The following DGKG variants were observed in gnomAD, a reference collection of about 807,000 sequenced individuals.
DGKG encodes the protein DAG kinase gamma.
Under a neutral mutation model 105.3 loss-of-function variants are expected in DGKG, and 78 were observed. That is an observed-to-expected ratio of 0.74 (90% CI 0.62 to 0.89). DGKG has a LOEUF of 0.89. Among genes scored for constraint, DGKG ranks in the 40% least tolerant of loss-of-function variants. The probability of loss-of-function intolerance (pLI) is 0.00; values close to 1 mark genes in which losing one functional copy is unlikely to be tolerated. For missense variants in DGKG, 958 were observed against 1,020.1 expected (o/e 0.94, Z 0.83); for synonymous variants, 346 against 367.1 (o/e 0.94, Z 0.66).
At chr3:186,301,477 A>C (rs1723917283) in intron 3 of DGKG, among the ~76,000 whole-genome samples, 1 of 152,034 alleles carries the variant, frequency 6.6e-6, no homozygotes, top group Admixed American at 6.5e-5. Flanking sequence ...AATACAAACC[A>C]TTAGCTGGGC....
chr3:186,267,593 G>T, intron 13 of DGKG, 92 bp downstream of exon 13: 1 of 937,782 alleles, frequency 1.1e-6, no homozygotes, highest in Non-Finnish European at 1.7e-6. Flanking sequence ...TGTCAGGGAA[G>T]CCCTGGGAAG....
At chr3:186,349,987 C>T (rs1037158687) in intron 1 of DGKG, among the ~76,000 whole-genome samples, 1 of 151,838 alleles carries the variant, frequency 6.6e-6, no homozygotes, top group African/African-American at 2.4e-5. Flanking sequence ...CAGGTTCAAG[C>T]GATTCTCATG....
chr3:186,231,469 GTTGTGCCAC>G lies in DGKG; in HGVS notation c.1826+11026_1826+11034del, dbSNP rs1720149963. 6.6e-6 allele frequency among the ~76,000 whole-genome samples: 1 copy of G among 152,226 alleles called. No individual in the cohort carries two copies. Among genetic ancestry groups the G allele is most frequent in the African/African-American group, 2.4e-5 (1 of 41,522 alleles). On this transcript the variant is annotated intron_variant, in intron 20 of 24. Transcript: ENST00000265022. This position sits in a 1 kb window ranked among gnomAD's most constrained non-coding sequence, Gnocchi z 4.5. Reference sequence around the variant, plus strand: ...GATCAATAATACTTACACTTGGTGAGTTGTGCCACTTAAAAATAATGTACATGAGATTCT... The same window carrying G: ...GATCAATAATACTTACACTTGGTGAGTTAAAAATAATGTACATGAGATTCT...
chr3:186,159,646 T>G (rs1038258152), intron 24 of DGKG: 2 of 152,360 alleles, frequency 1.3e-5, no homozygotes, highest in East Asian at 3.9e-4. Context: ...CACTTCTTAG[T>G]TGGTGTATAC....
rs548645798 is a variant in DGKG, at chr3:186,304,215, C to T, written c.144+2686G>A. 1.1e-3 allele frequency among the ~76,000 whole-genome samples: 172 copies of T among 152,340 alleles called. 1 individual carries two copies. Among genetic ancestry groups the T allele is most frequent in the African/African-American group, 3.6e-3 (148 of 41,578 alleles). Reference sequence around the variant, plus strand: ...GGCGGACAAGCTGATTAGCAGCCGCCGCCAGGCTTTGTTCCCGTGTTTTTG... The same window carrying T: ...GGCGGACAAGCTGATTAGCAGCCGCTGCCAGGCTTTGTTCCCGTGTTTTTG... On this transcript the variant is annotated intron_variant, in intron 3 of 24. Transcript: ENST00000265022.
chr3:186,152,426 T>C (rs1715806284), intron 24 of DGKG, among the ~76,000 whole-genome samples: 1 of 152,190 alleles, frequency 6.6e-6, no homozygotes, highest in Non-Finnish European at 1.5e-5. Context: ...TGGAACACGT[T>C]TGTGGCATGT....
intron 2 of DGKG, among the ~76,000 whole-genome samples, chr3:186,313,185 T>C (rs982535175): frequency 2.0e-5 from 3 of 152,154 alleles, no homozygotes; most frequent in Non-Finnish European, 4.4e-5. Flanking sequence ...CTACAAACTG[T>C]GATTAAATGA....
At chr3:186,354,271 G>A (rs921628650) in intron 1 of DGKG, among the ~76,000 whole-genome samples, 2 of 152,166 alleles carry the variant, frequency 1.3e-5, no homozygotes, top group African/African-American at 4.8e-5. Flanking sequence ...GAGCAGAGGG[G>A]TGGAGAAATG....
intron 1 of DGKG, among the ~76,000 whole-genome samples, chr3:186,360,406 A>G (rs1246030063): frequency 3.3e-5 from 5 of 152,320 alleles, no homozygotes; most frequent in African/African-American, 1.2e-4. Flanking sequence ...GTGATTGGCA[A>G]AAAAGACATA....
At chr3:186,344,238 T>G (rs1272012954) in intron 1 of DGKG, among the ~76,000 whole-genome samples, 1 of 152,222 alleles carries the variant, frequency 6.6e-6, no homozygotes, top group South Asian at 2.1e-4. Context: ...TTACTGGGTA[T>G]GTACCCAGAG....
intron 5 of DGKG, among the ~76,000 whole-genome samples, chr3:186,295,502 AAATAAT>A (rs56221168): frequency 7.3e-4 from 106 of 145,330 alleles, no homozygotes; most frequent in Non-Finnish European, 1.1e-3. Flanking sequence ...CTCCGTCTCA[AAATAAT>A]AATAATAATA....
rs766119287 is a variant in DGKG, at chr3:186,150,174, G to A, written c.2292C>T (p.His764=). ...MQPCCTIKIT[H]KNQAPMMMGP... is the part of the protein sequence containing the mutation. ...CCATCATCATGGGCGCTTGGTTCTT[G>A]TGAGTAATTTTAATCTAAAAGCAAA... Residue 764 remains histidine (H), a synonymous_variant, in exon 25 of 25, where the codon CAC becomes CAT. Transcript: ENST00000265022. 6 of 1,612,406 alleles carry A rather than the reference G, an allele frequency of 3.7e-6. No individual in the cohort carries two copies. Among genetic ancestry groups the A allele is most frequent in the Non-Finnish European group, 4.2e-6 (5 of 1,179,208 alleles).
At chr3:186,286,944 G>C (rs1034725243) in intron 6 of DGKG, among the ~76,000 whole-genome samples, 2 of 151,982 alleles carry the variant, frequency 1.3e-5, no homozygotes, top group African/African-American at 4.8e-5. Context: ...TGAGGCAGAA[G>C]AATCACTTGA....
At chr3:186,296,032 C>T (rs1723542344) in intron 5 of DGKG, among the ~76,000 whole-genome samples, 1 of 151,662 alleles carries the variant, frequency 6.6e-6, no homozygotes, top group African/African-American at 2.4e-5. Flanking sequence ...TAGCTTGAAC[C>T]TGGGAGCTCG....
At chr3:186,155,647 T>A (rs940903244) in intron 24 of DGKG, among the ~76,000 whole-genome samples, 2 of 152,244 alleles carry the variant, frequency 1.3e-5, no homozygotes, top group African/African-American at 4.8e-5. Context: ...CCTAGAAGTA[T>A]ATGAACAATT....
intron 1 of DGKG, among the ~76,000 whole-genome samples, chr3:186,340,503 A>T (rs1399936813): frequency 6.6e-6 from 1 of 152,208 alleles, no homozygotes; most frequent in Non-Finnish European, 1.5e-5. Flanking sequence ...AAAGAAAAAT[A>T]AATCATTTTA....
intron 24 of DGKG, chr3:186,160,672 G>A: frequency 5.1e-6 from 5 of 985,450 alleles, no homozygotes; most frequent in East Asian, 1.1e-4. Context: ...CCACTAGAGT[G>A]AGGAAGCTTA....
intron 3 of DGKG, among the ~76,000 whole-genome samples, chr3:186,299,155 C>A (rs998290403): frequency 1.3e-5 from 2 of 152,210 alleles, no homozygotes; most frequent in Non-Finnish European, 2.9e-5. Flanking sequence ...TTCATCAAAT[C>A]GGCAGATGCT....
At position 186,231,921 on chromosome 3, in the gene DGKG, C is replaced by CA. The variant is rs1365102824; in HGVS notation, c.1826+10582dup. 1.3e-5 allele frequency among the ~76,000 whole-genome samples: 2 copies of CA among 151,728 alleles called. No homozygotes were observed. The highest frequency in any genetic ancestry group is 2.9e-5 in the Non-Finnish European group (2 of 67,946). ...GGTGACAGAGAGAGAGACTCCGTCT[C>CA]AAAAAAACAAAAATAAAAACAAAAA... On this transcript the variant is annotated intron_variant, in intron 20 of 24. Coordinates refer to ENST00000265022, the MANE Select transcript of DGKG (RefSeq NM_001346.3). The surrounding 1 kb of genome is among the most constrained non-coding windows in gnomAD (Gnocchi z 4.5).
Sources: gnomAD v4.1 joint callset for allele counts (sites outside exome capture counted in the v4.1 genomes callset) on GRCh38, gnomAD v4.1.1 for gene constraint, Gnocchi (gnomAD v3.1) non-coding constraint, MANE v1.5 for transcripts, NCBI Gene and HGNC (gene_info 2026-07-23, HGNC 2026-07-21) for gene names.